The following NRXN2 variants were observed in gnomAD, a reference collection of about 807,000 sequenced individuals.
NRXN2 encodes the protein neurexin 2.
NRXN2 carries 29 observed loss-of-function variants against 128.8 expected under a neutral mutation model. The observed-to-expected ratio is 0.23, with a 90% CI of 0.17 to 0.31. The LOEUF (loss-of-function observed/expected upper bound fraction) is 0.31, where lower values mean the gene tolerates loss of function less well. Among genes scored for constraint, NRXN2 ranks in the 10% least tolerant of loss-of-function variants. NRXN2 has a pLI of 1.00. For missense variants in NRXN2, 1,881 were observed against 2,452.6 expected (o/e 0.77, Z 4.92); for synonymous variants, 1,098 against 1,075.2 (o/e 1.02, Z -0.41).
Position 64,652,159 on chromosome 11 carries a change from G to A in NRXN2, c.2417-5C>T, listed in dbSNP as rs541082265. The A allele has an allele frequency of 6.2e-6, 10 of 1,610,520 alleles. No individual in the cohort carries two copies. The South Asian group carries it at 6.6e-5, about 11-fold the overall frequency. On this transcript the variant is annotated splice_region_variant and splice_polypyrimidine_tract_variant and intron_variant, in intron 12 of 22. Coordinates refer to ENST00000265459, the MANE Select transcript of NRXN2 (RefSeq NM_015080.4). ...ACAGCGTTTCGGGGCCTTTACCTGCGGCACCAAGGGGGGAATGAGGAGGGC... is the reference window on the plus strand; with the variant it reads ...ACAGCGTTTCGGGGCCTTTACCTGCAGCACCAAGGGGGGAATGAGGAGGGC...
chr11:64,696,784 G>T (rs1192815194), intron 3 of NRXN2, among the ~76,000 whole-genome samples: 2 of 152,070 alleles, frequency 1.3e-5, no homozygotes, highest in African/African-American at 4.8e-5. Context: ...CTTCCCAGGA[G>T]AAGGGACTGG....
intron 11 of NRXN2, among the ~76,000 whole-genome samples, chr11:64,658,567 G>T (rs1010354641): frequency 1.1e-4 from 17 of 152,194 alleles, no homozygotes; most frequent in African/African-American, 3.9e-4. Flanking sequence ...ACCTCTCTCA[G>T]CAAATCTTTG....
chr11:64,715,329 C>G (rs1592318540), intron 1 of NRXN2, among the ~76,000 whole-genome samples: 1 of 152,274 alleles, frequency 6.6e-6, no homozygotes, highest in Non-Finnish European at 1.5e-5. Flanking sequence ...CAGCGGGGAA[C>G]TGAGACTCAG....
chr11:64,686,313 G>A (rs2053042310), intron 5 of NRXN2, among the ~76,000 whole-genome samples: 1 of 152,108 alleles, frequency 6.6e-6, no homozygotes, highest in South Asian at 2.1e-4. Flanking sequence ...GACATAGAAG[G>A]GAAATAAGAG....
Position 64,722,961 on chromosome 11 carries a change from C to G in NRXN2, c.-245+10G>C, listed in dbSNP as rs1281518469. On this transcript the variant is annotated intron_variant, in intron 1 of 22. Transcript: ENST00000265459. ...GTCTCCGCCGCAGCGCCCCCCCCCC[C>G]CCATTTTACCTGGTTCTCGGGGCGC... 5.9e-5 allele frequency: 8 copies of G among 136,050 alleles called. No individual in the cohort carries two copies. Among genetic ancestry groups the G allele is most frequent in the East Asian group, 2.2e-4 (1 of 4,622 alleles). 8.4% of individuals were successfully genotyped at this position (136,050 alleles called of 1,614,324 possible).
chr11:64,699,425 C>CTTTTTTTTTTTTT (rs67776872), intron 2 of NRXN2, among the ~76,000 whole-genome samples: 11 of 92,128 alleles, frequency 1.2e-4, no homozygotes, highest in East Asian at 3.8e-4. Flanking sequence ...TAATAGTTTT[C>CTTTTTTTTTTTTT]TTTTTTTTTT....
chr11:64,646,170 AG>A (rs1158867835), intron 17 of NRXN2, among the ~76,000 whole-genome samples: 1 of 152,130 alleles, frequency 6.6e-6, no homozygotes, highest in Non-Finnish European at 1.5e-5. Flanking sequence ...TGTGGCCCCC[AG>A]GTTGCACCCA....
intron 9 of NRXN2, 144 bp from the exon 10 acceptor site, chr11:64,661,283 G>A: frequency 6.5e-7 from 1 of 1,530,484 alleles, no homozygotes; most frequent in Non-Finnish European, 8.7e-7. Flanking sequence ...AGCAGTCCTG[G>A]GCTGGAAGCT....
intron 22 of NRXN2, among the ~76,000 whole-genome samples, chr11:64,611,680 T>C (rs940122557): frequency 6.6e-6 from 1 of 152,088 alleles, no homozygotes; most frequent in Non-Finnish European, 1.5e-5. Flanking sequence ...ACACACAGGC[T>C]CCTCGGGTCA....
intron 9 of NRXN2, 100 bp from the exon 10 acceptor site, chr11:64,661,239 C>A: frequency 6.3e-7 from 1 of 1,580,258 alleles, no homozygotes; most frequent in East Asian, 2.3e-5. Context: ...GGCCCCTCCA[C>A]CTTGTGCCCT....
chr11:64,692,826 A>C (rs1482972808), intron 4 of NRXN2, 21 bp downstream of exon 4: 2 of 1,614,114 alleles, frequency 1.2e-6, no homozygotes, highest in African/African-American at 1.3e-5. Context: ...ATCCAAACCA[A>C]ACCAAAACTT....
intron 6 of NRXN2, among the ~76,000 whole-genome samples, chr11:64,684,392 T>C (rs1379939831): frequency 3.9e-5 from 6 of 152,048 alleles, no homozygotes; most frequent in Non-Finnish European, 8.8e-5. Context: ...AGCCCCGCAT[T>C]AAGGAGTGAC....
intron 1 of NRXN2, among the ~76,000 whole-genome samples, chr11:64,716,667 A>G (rs1013380070): frequency 6.6e-6 from 1 of 152,090 alleles, no homozygotes; most frequent in African/African-American, 2.4e-5. Context: ...GCGGCCCCTC[A>G]AGGCTCATTA....
chr11:64,630,531 C>G lies in NRXN2; in HGVS notation c.3628G>C (p.Asp1210His). 2 of 1,614,036 alleles carry G rather than the reference C, an allele frequency of 1.2e-6. No homozygotes were observed. The highest frequency in any genetic ancestry group is 1.7e-6 in the Non-Finnish European group (2 of 1,180,018). The change falls in exon 19 of 23, where the codon GAC becomes CAC. Residue 1210 changes from aspartate to histidine, a missense_variant. Transcript: ENST00000265459. The surrounding 1 kb of genome is among the most constrained non-coding windows in gnomAD (Gnocchi z 4.6). Reference sequence around the variant, plus strand: ...GCGTTGGGCTCGTCGATGGTAATGTCGTCCGTGCCCACGTTAAAGATCACC... The same window carrying G: ...GCGTTGGGCTCGTCGATGGTAATGTGGTCCGTGCCCACGTTAAAGATCACC... ...VGVIFNVGTD[D>H]ITIDEPNAIV...
chr11:64,674,927 A>G (rs570227791), intron 7 of NRXN2, among the ~76,000 whole-genome samples: 1 of 152,364 alleles, frequency 6.6e-6, no homozygotes, highest in East Asian at 1.9e-4. Context: ...TTTGGTAGAT[A>G]AGGGAACTGA....
intron 22 of NRXN2, among the ~76,000 whole-genome samples, chr11:64,616,557 T>C (rs2041561942): frequency 6.6e-6 from 1 of 152,118 alleles, no homozygotes; most frequent in African/African-American, 2.4e-5. Context: ...CACAGATGTA[T>C]AATCTGTGAG....
chr11:64,658,808 C>T lies in NRXN2; in HGVS notation c.2389+1524G>A, dbSNP rs1416108586. Among the ~76,000 whole-genome samples the T allele has an allele frequency of 3.3e-5, 5 of 151,932 alleles. No homozygotes were observed. In the East Asian group the frequency reaches 5.8e-4, roughly 18 times the overall value. The stretch of plus-strand genomic sequence containing the variant: ...TTGGGAGGCCGAGGCGGGTGGATCA[C>T]GAGGCCAGGAGATCAAGACCAGCGT... On this transcript the variant is annotated intron_variant, in intron 11 of 22. Coordinates refer to ENST00000265459, the MANE Select transcript of NRXN2 (RefSeq NM_015080.4).
At chr11:64,702,001 T>TG (rs570455604) in intron 2 of NRXN2, among the ~76,000 whole-genome samples, 1,483 of 67,418 alleles carry the variant, frequency 0.022, 49 homozygotes, top group African/African-American at 0.08. Flanking sequence ...GGGAGGGAGG[T>TG]GGGGGGGGTC....
intron 2 of NRXN2, 123 bp from the exon 3 acceptor site, chr11:64,697,915 G>A: frequency 8.9e-7 from 1 of 1,128,822 alleles, no homozygotes; most frequent in Non-Finnish European, 1.3e-6. Context: ...CCCAGGCCCT[G>A]ACATGAGTCA....
Sources: gnomAD v4.1 joint callset for allele counts (sites outside exome capture counted in the v4.1 genomes callset) on GRCh38, gnomAD v4.1.1 for gene constraint, Gnocchi (gnomAD v3.1) non-coding constraint, MANE v1.5 for transcripts, NCBI Gene and HGNC (gene_info 2026-07-23, HGNC 2026-07-21) for gene names.